Variants in NELL1 observed in about 807,000 individuals in gnomAD.
The protein encoded by NELL1 is neural EGFL like 1.
A neutral mutation model predicts 107.4 loss-of-function variants in NELL1; 76 were observed. The ratio of observed to expected loss-of-function variants is 0.71; its 90% CI spans 0.59 to 0.86. NELL1 has a LOEUF of 0.86. NELL1 is among the 40% of genes least tolerant of loss of function. The pLI is 0.00. For missense variants in NELL1, 1,024 were observed against 1,005.5 expected, an observed-to-expected ratio of 1.02 and a Z score of -0.25; for synonymous variants, 353 against 341.2, an observed-to-expected ratio of 1.03 and a Z score of -0.38.
intron 14 of NELL1, among the ~76,000 whole-genome samples, chr11:21,270,351 C>G (rs1335430671): frequency 6.6e-6 from 1 of 152,030 alleles, no homozygotes; most frequent in African/African-American, 2.4e-5. Flanking sequence ...AAATATATAT[C>G]ATGCTAATAC....
At chr11:21,186,582 C>G (rs372091624) in intron 13 of NELL1, among the ~76,000 whole-genome samples, 47 of 151,906 alleles carry the variant, frequency 3.1e-4, no homozygotes, top group South Asian at 2.3e-3. Flanking sequence ...GCTGTGGTAA[C>G]CAGAGCTGCA....
intron 2 of NELL1, among the ~76,000 whole-genome samples, chr11:20,772,744 G>T (rs1242113312): frequency 6.6e-6 from 1 of 152,160 alleles, no homozygotes; most frequent in African/African-American, 2.4e-5. Context: ...GCAGAGCTGG[G>T]ATTCAAACAC....
intron 15 of NELL1, among the ~76,000 whole-genome samples, chr11:21,384,978 A>G (rs1371143600): frequency 1.3e-5 from 2 of 151,794 alleles, no homozygotes; most frequent in African/African-American, 2.4e-5. Flanking sequence ...CTCACATCAT[A>G]TTTTCCTTAC....
intron 15 of NELL1, among the ~76,000 whole-genome samples, chr11:21,430,787 A>C (rs372297607): frequency 6.6e-6 from 1 of 152,148 alleles, no homozygotes; most frequent in African/African-American, 2.4e-5. Context: ...TAACTCCAGG[A>C]GTATGTTTGT....
At chr11:20,849,938 A>C (rs1282155085) in intron 4 of NELL1, among the ~76,000 whole-genome samples, 1 of 152,170 alleles carries the variant, frequency 6.6e-6, no homozygotes, top group Non-Finnish European at 1.5e-5. Flanking sequence ...AATATTTTTA[A>C]CAAGCCCTCC....
At chr11:20,785,798 G>C (rs1372607083) in intron 3 of NELL1, among the ~76,000 whole-genome samples, 3 of 152,162 alleles carry the variant, frequency 2.0e-5, no homozygotes, top group African/African-American at 7.2e-5. Context: ...ATTGTGCATG[G>C]TGAGTGGCCA....
chr11:21,274,284 G>A (rs893728210), intron 14 of NELL1, among the ~76,000 whole-genome samples: 3 of 152,036 alleles, frequency 2.0e-5, no homozygotes, highest in Admixed American at 1.3e-4. Context: ...TTTAAACCAA[G>A]AAAGATCAAA....
At chr11:21,414,730 G>A (rs73457319) in intron 15 of NELL1, among the ~76,000 whole-genome samples, 8,891 of 152,074 alleles carry the variant, frequency 0.058, 713 homozygotes, top group East Asian at 0.3. Context: ...AGGGGAATGC[G>A]GCTATGTGCA....
chr11:21,095,351 T>C (rs1280128632), intron 12 of NELL1, among the ~76,000 whole-genome samples: 1 of 152,162 alleles, frequency 6.6e-6, no homozygotes, highest in Non-Finnish European at 1.5e-5. Context: ...TTTCCTGTCT[T>C]CTTCCGAGCC....
Position 21,573,373 on chromosome 11 carries a change from G to A in NELL1, c.2346G>A (p.Thr782=), listed in dbSNP as rs369702287. The change falls in exon 19 of 20, where the codon ACG becomes ACA. Residue 782 remains threonine, a synonymous_variant. Coordinates refer to ENST00000357134, the MANE Select transcript of NELL1 (RefSeq NM_006157.5). ...GVSRLSGSVW[T]MAGSPCTTCK... ...CACGGCTTAGTGGCTCAGTGTGGAC[G>A]ATGGCTGGATCTCCCTGCACAACCT... 43 of 1,612,230 alleles carry A rather than the reference G, an allele frequency of 2.7e-5. No homozygotes were observed. Among genetic ancestry groups the A allele is most frequent in the East Asian group, 1.1e-4 (5 of 44,734 alleles).
At chr11:21,500,329 CA>C (rs1163748410) in intron 15 of NELL1, among the ~76,000 whole-genome samples, 2 of 151,892 alleles carry the variant, frequency 1.3e-5, no homozygotes, top group African/African-American at 4.8e-5. Context: ...TGTTTGGCCC[CA>C]AAAATATTTT....
chr11:20,916,454 G>T (rs1477471098), intron 5 of NELL1, among the ~76,000 whole-genome samples: 1 of 151,962 alleles, frequency 6.6e-6, no homozygotes, highest in Non-Finnish European at 1.5e-5. Context: ...ATTTTAAAAT[G>T]AGTTTTCAGT....
intron 12 of NELL1, among the ~76,000 whole-genome samples, chr11:20,961,842 T>G (rs970948850): frequency 6.6e-6 from 1 of 152,224 alleles, no homozygotes; most frequent in East Asian, 1.9e-4. Flanking sequence ...TCCCTGCATA[T>G]ACCCAGGAAT....
chr11:21,549,940 G>A (rs1856536702), intron 16 of NELL1, among the ~76,000 whole-genome samples: 1 of 151,630 alleles, frequency 6.6e-6, no homozygotes. Flanking sequence ...GTGAGGCAGG[G>A]GCTTCAACAT....
At chr11:21,008,961 G>A (rs1468226290) in intron 12 of NELL1, among the ~76,000 whole-genome samples, 1 of 152,120 alleles carries the variant, frequency 6.6e-6, no homozygotes, top group Non-Finnish European at 1.5e-5. Context: ...GTAAGGTAGA[G>A]TCTCCAACGG....
chr11:21,081,608 A>G (rs1565049171), intron 12 of NELL1, among the ~76,000 whole-genome samples: 1 of 152,200 alleles, frequency 6.6e-6, no homozygotes, highest in Non-Finnish European at 1.5e-5. Flanking sequence ...CACTGGAAGC[A>G]TGAGAGTCAT....
intron 15 of NELL1, among the ~76,000 whole-genome samples, chr11:21,515,217 T>G (rs1408641569): frequency 1.3e-5 from 2 of 152,240 alleles, no homozygotes; most frequent in Non-Finnish European, 2.9e-5. Flanking sequence ...CTTCTCTGAC[T>G]GTTGTGCTTC....
chr11:20,676,319 A>G (rs1244794085), intron 1 of NELL1, among the ~76,000 whole-genome samples: 1 of 150,090 alleles, frequency 6.7e-6, no homozygotes, highest in East Asian at 2.0e-4. Flanking sequence ...GCCATCTCAG[A>G]TTATCTTATT....
At chr11:20,771,007 C>G (rs1177546334) in intron 2 of NELL1, 2 of 149,406 alleles carry the variant, frequency 1.3e-5, no homozygotes, top group African/African-American at 4.9e-5. Context: ...GGAAAGACCC[C>G]TCTAGCTTCC....
Sources: allele counts gnomAD v4.1 joint callset (sites outside exome capture counted in the v4.1 genomes callset), GRCh38; gene constraint gnomAD v4.1.1; transcripts MANE v1.5; gene names NCBI Gene and HGNC (gene_info 2026-07-23, HGNC 2026-07-21).